Variants in GRM1 observed in about 807,000 individuals in gnomAD.
The protein encoded by GRM1 is metabotropic glutamate receptor 1.
A neutral mutation model predicts 90.9 loss-of-function variants in GRM1; 33 were observed. The ratio of observed to expected loss-of-function variants is 0.36; its 90% CI spans 0.28 to 0.49. The LOEUF (loss-of-function observed/expected upper bound fraction) is 0.49, where lower values mean the gene tolerates loss of function less well. Ranked by LOEUF, GRM1 falls within the 20% of genes least tolerant of loss-of-function variation. The probability of loss-of-function intolerance (pLI) is 0.99; values close to 1 mark genes in which losing one functional copy is unlikely to be tolerated. For missense variants in GRM1, 1,190 were observed against 1,534.3 expected (o/e 0.78, Z 3.75); for synonymous variants, 700 against 613.2 (o/e 1.14, Z -2.09).
At chr6:146,304,907 AAC>A (rs763453469) in intron 3 of GRM1, 61 bp downstream of exon 3, 164 of 1,160,174 alleles carry the variant, frequency 1.4e-4, no homozygotes, top group Non-Finnish European at 2.0e-4. Context: ...GATTTATTGC[AAC>A]TTGTTGAATG....
chr6:146,299,301 C>T (rs2114910354), intron 2 of GRM1, among the ~76,000 whole-genome samples: 1 of 152,250 alleles, frequency 6.6e-6, no homozygotes, highest in South Asian at 2.1e-4. Context: ...CTTCCATCCA[C>T]ATATGGATTT....
intron 2 of GRM1, among the ~76,000 whole-genome samples, chr6:146,207,629 ACACCCC>A (rs1200675031): frequency 6.6e-6 from 1 of 152,144 alleles, no homozygotes; most frequent in Non-Finnish European, 1.5e-5. Context: ...AAAGCTAGAG[ACACCCC>A]CAGATATTTG....
intron 1 of GRM1, among the ~76,000 whole-genome samples, chr6:146,048,359 A>G (rs1791408168): frequency 6.6e-6 from 1 of 152,082 alleles, no homozygotes; most frequent in Admixed American, 6.6e-5. Flanking sequence ...TCTTACTGCC[A>G]TAATAATGCC....
chr6:146,118,844 T>C (rs1775867633), intron 1 of GRM1, among the ~76,000 whole-genome samples: 1 of 152,260 alleles, frequency 6.6e-6, no homozygotes, highest in Non-Finnish European at 1.5e-5. Flanking sequence ...CTATCATTGA[T>C]GGACATTTGG....
At chr6:146,073,472 C>G (rs1445358051) in intron 1 of GRM1, among the ~76,000 whole-genome samples, 1 of 152,132 alleles carries the variant, frequency 6.6e-6, no homozygotes, top group African/African-American at 2.4e-5. Context: ...TTAAACTTTA[C>G]TTTTCATTTG....
At chr6:146,187,872 A>G (rs1460502575) in intron 2 of GRM1, among the ~76,000 whole-genome samples, 3 of 152,106 alleles carry the variant, frequency 2.0e-5, no homozygotes, top group Non-Finnish European at 4.4e-5. Context: ...ATCGGTAAGA[A>G]CAACCAGGCA....
chr6:146,344,269 A>T (rs2115022982), intron 3 of GRM1, among the ~76,000 whole-genome samples: 1 of 152,328 alleles, frequency 6.6e-6, no homozygotes, highest in Middle Eastern at 3.4e-3. Flanking sequence ...ATACCCCATG[A>T]GAGACAACTT....
At chr6:146,080,544 A>T (rs1273019424) in intron 1 of GRM1, among the ~76,000 whole-genome samples, 1 of 152,110 alleles carries the variant, frequency 6.6e-6, no homozygotes, top group African/African-American at 2.4e-5. Context: ...TAAGCAGAAG[A>T]GTAAAAGATG....
chr6:146,322,187 A>AGTCCAC (rs1362270967), intron 3 of GRM1, among the ~76,000 whole-genome samples: 2 of 152,296 alleles, frequency 1.3e-5, no homozygotes, highest in South Asian at 2.1e-4. Context: ...GTTTGCTGCA[A>AGTCCAC]GTCCACTCCA....
chr6:146,389,068 T>G (rs1481135267), intron 6 of GRM1, among the ~76,000 whole-genome samples: 2 of 152,054 alleles, frequency 1.3e-5, no homozygotes, highest in Non-Finnish European at 2.9e-5. Context: ...TCTTCAAATT[T>G]GTATCCTACT....
chr6:146,099,792 C>G (rs936150852), intron 1 of GRM1, among the ~76,000 whole-genome samples: 6 of 152,072 alleles, frequency 3.9e-5, no homozygotes, highest in Non-Finnish European at 1.5e-5. Flanking sequence ...GTTTATTTAT[C>G]CATTCTACTT....
chr6:146,098,766 A>G (rs940265009), intron 1 of GRM1, among the ~76,000 whole-genome samples: 1 of 151,936 alleles, frequency 6.6e-6, no homozygotes, highest in African/African-American at 2.4e-5. Context: ...GTAAGTTCTC[A>G]TGAGATCTGA....
chr6:146,283,873 C>T (rs1490748446), intron 2 of GRM1, among the ~76,000 whole-genome samples: 2 of 152,194 alleles, frequency 1.3e-5, no homozygotes, highest in Non-Finnish European at 1.5e-5. Context: ...TGGCCTACTA[C>T]TCATGTATAA....
At position 146,398,798 on chromosome 6, in the gene GRM1, G is replaced by A; in HGVS notation, c.1759G>A (p.Glu587Lys). The A allele has an allele frequency of 6.2e-7, 1 of 1,613,532 alleles. No homozygotes were observed. Among genetic ancestry groups the A allele is most frequent in the African/African-American group, 1.3e-5 (1 of 74,998 alleles). ...GCEPIPVRYLEWSNIESIIAI... is the reference protein window; with the variant it reads ...GCEPIPVRYLKWSNIESIIAI... ...TGAGCCCATTCCTGTGCGCTATCTT[G>A]AGTGGAGCAACATCGAATCCATTAT... Residue 587 changes from glutamate to lysine, a missense_variant, in exon 7 of 8, where the codon GAG (glutamate) becomes AAG (lysine). This residue lies in a region of GRM1 where 414 missense variants were observed against 598.4 expected (regional missense o/e 0.69). Transcript: ENST00000282753.
At chr6:146,312,816 T>C (rs1783822596) in intron 3 of GRM1, among the ~76,000 whole-genome samples, 1 of 152,240 alleles carries the variant, frequency 6.6e-6, no homozygotes, top group African/African-American at 2.4e-5. Context: ...ACTCACTCTT[T>C]GGTATGAGCC....
At chr6:146,395,538 T>G (rs1235134935) in intron 6 of GRM1, among the ~76,000 whole-genome samples, 1 of 152,178 alleles carries the variant, frequency 6.6e-6, no homozygotes, top group Non-Finnish European at 1.5e-5. Flanking sequence ...TTAAACATTT[T>G]TCTCCATCAA....
intron 2 of GRM1, among the ~76,000 whole-genome samples, chr6:146,264,689 C>A (rs1781815812): frequency 6.6e-6 from 1 of 152,030 alleles, no homozygotes; most frequent in Admixed American, 6.6e-5. Context: ...CCCTCTGCTA[C>A]CCTACCCTCT....
intron 1 of GRM1, among the ~76,000 whole-genome samples, chr6:146,123,441 G>A (rs1388005800): frequency 6.6e-6 from 1 of 152,324 alleles, no homozygotes; most frequent in East Asian, 1.9e-4. Flanking sequence ...TGCAGGGGCT[G>A]CCTCTTCACA....
At chr6:146,300,624 T>G (rs1783343322) in intron 2 of GRM1, among the ~76,000 whole-genome samples, 1 of 152,236 alleles carries the variant, frequency 6.6e-6, no homozygotes, top group South Asian at 2.1e-4. Context: ...AGACCCCAGC[T>G]AGAAAACGGA....
Sources: allele counts gnomAD v4.1 joint callset (sites outside exome capture counted in the v4.1 genomes callset), GRCh38; gene constraint gnomAD v4.1.1; regional missense constraint gnomAD v4.1.1; transcripts MANE v1.5; gene names NCBI Gene and HGNC (gene_info 2026-07-23, HGNC 2026-07-21).